The following LPIN2 variants were observed in gnomAD, a reference collection of about 807,000 sequenced individuals.
The protein encoded by LPIN2 is phosphatidate phosphatase LPIN2.
LPIN2 carries 55 observed loss-of-function variants against 111.4 expected under a neutral mutation model. That is an observed-to-expected ratio of 0.49 (90% CI 0.40 to 0.62). LPIN2 has a LOEUF of 0.62. Among genes scored for constraint, LPIN2 ranks in the 20% least tolerant of loss-of-function variants. The pLI, the probability that LPIN2 is intolerant of heterozygous loss-of-function variation, is 0.00. For synonymous variants in LPIN2, 425 were observed against 414.0 expected (o/e 1.03, Z -0.32); for missense variants, 992 against 1,112.1 (o/e 0.89, Z 1.54).
At chr18:2,964,282 CAAAAA>C (rs56276815) in intron 1 of LPIN2, among the ~76,000 whole-genome samples, 4 of 56,852 alleles carry the variant, frequency 7.0e-5, no homozygotes, top group Admixed American at 2.7e-4. Flanking sequence ...GACTCCGTCT[CAAAAA>C]AAAAAAAAAA....
At chr18:3,005,828 C>A (rs950579112) in intron 1 of LPIN2, among the ~76,000 whole-genome samples, 4 of 152,134 alleles carry the variant, frequency 2.6e-5, no homozygotes, top group African/African-American at 4.8e-5. Flanking sequence ...AAGTTTGAGA[C>A]CAACCTGGGC....
intron 1 of LPIN2, among the ~76,000 whole-genome samples, chr18:2,999,034 G>A (rs890497280): frequency 1.3e-5 from 2 of 152,190 alleles, no homozygotes; most frequent in Non-Finnish European, 2.9e-5. Flanking sequence ...GATCATTAGT[G>A]AAGATAGGTG....
intron 1 of LPIN2, among the ~76,000 whole-genome samples, chr18:3,000,003 AC>A (rs1350056159): frequency 6.6e-6 from 1 of 150,948 alleles, no homozygotes; most frequent in African/African-American, 2.4e-5. Flanking sequence ...AACTTGGGCA[AC>A]ATTAGTGAGA....
chr18:2,944,493 A>G (rs2090883519), intron 4 of LPIN2, among the ~76,000 whole-genome samples: 1 of 151,706 alleles, frequency 6.6e-6, no homozygotes, highest in Non-Finnish European at 1.5e-5. Context: ...CTGGGACTAC[A>G]GGCACCCACC....
intron 1 of LPIN2, among the ~76,000 whole-genome samples, chr18:3,004,872 T>C (rs1214129199): frequency 6.6e-6 from 1 of 152,204 alleles, no homozygotes; most frequent in African/African-American, 2.4e-5. Context: ...GTTTACCTTG[T>C]CCAACTCATT....
At position 2,920,396 on chromosome 18, in the gene LPIN2, AG is replaced by A; in HGVS notation, c.2587del (p.Leu863PhefsTer136). The A allele has an allele frequency of 1.2e-6, 2 of 1,613,988 alleles. No homozygotes were observed. The highest frequency in any genetic ancestry group is 1.7e-6 in the Non-Finnish European group (2 of 1,180,028). ...AGCGGAATTCTGCTCCTTACTGAGA[AG>A]GGGGAACACATGCTCCACGAGCTCA... ...LSELVEHVFP[L>X]LSKEQNSAFP... is the part of the protein sequence containing the mutation. On this transcript the variant is annotated frameshift_variant, in exon 20 of 20. Coordinates refer to ENST00000677752, the MANE Select transcript of LPIN2 (RefSeq NM_001375808.2). LOFTEE classifies it high-confidence loss of function.
At chr18:2,958,940 AT>A (rs2077665142) in intron 2 of LPIN2, among the ~76,000 whole-genome samples, 1 of 152,156 alleles carries the variant, frequency 6.6e-6, no homozygotes, top group Non-Finnish European at 1.5e-5. Flanking sequence ...AAAAAAAAAA[AT>A]AATGATGATG....
At chr18:2,924,655 G>A in intron 14 of LPIN2, 109 bp from the exon 15 acceptor site, 2 of 1,152,950 alleles carry the variant, frequency 1.7e-6, no homozygotes, top group Non-Finnish European at 2.6e-6. Flanking sequence ...GAGGCAGGAT[G>A]GTTTCCGGGG....
chr18:2,921,811 G>T, intron 17 of LPIN2, 164 bp from the exon 18 acceptor site: 1 of 764,920 alleles, frequency 1.3e-6, no homozygotes, highest in Non-Finnish European at 2.1e-6. Context: ...GAAAATTTGA[G>T]TGATGAAGTT....
At chr18:2,984,439 C>T (rs1478516939) in intron 1 of LPIN2, among the ~76,000 whole-genome samples, 2 of 152,116 alleles carry the variant, frequency 1.3e-5, no homozygotes, top group Non-Finnish European at 2.9e-5. Flanking sequence ...TGATCTACTG[C>T]AGTTCAGGAT....
intron 18 of LPIN2, 162 bp from the exon 19 acceptor site, chr18:2,921,043 A>G (rs1488701573): frequency 7.3e-6 from 5 of 687,586 alleles, no homozygotes; most frequent in South Asian, 3.1e-5. Flanking sequence ...AGACAAACCT[A>G]AACTACAGAG....
intron 1 of LPIN2, among the ~76,000 whole-genome samples, chr18:2,996,972 T>G (rs1480509636): frequency 1.5e-5 from 2 of 131,986 alleles, no homozygotes; most frequent in African/African-American, 5.7e-5. Flanking sequence ...ATTTCATTTT[T>G]GGAGGCTTGT....
chr18:2,972,936 T>A (rs572010812), intron 1 of LPIN2, among the ~76,000 whole-genome samples: 1 of 152,366 alleles, frequency 6.6e-6, no homozygotes, highest in South Asian at 2.1e-4. Flanking sequence ...TGACAGATGC[T>A]GTTACAGGGA....
chr18:2,980,084 A>T (rs1357316479), intron 1 of LPIN2, among the ~76,000 whole-genome samples: 1 of 152,226 alleles, frequency 6.6e-6, no homozygotes, highest in African/African-American at 2.4e-5. Context: ...GCCCAAAGTT[A>T]CTAGCTATGG....
chr18:2,920,712 G>A (rs1395838562), intron 19 of LPIN2, 66 bp downstream of exon 19: 6 of 1,188,334 alleles, frequency 5.0e-6, no homozygotes, highest in Middle Eastern at 1.9e-4. Flanking sequence ...AAAGGACAGG[G>A]TCTGTCTGTC....
chr18:2,989,441 G>A (rs2078232081), intron 1 of LPIN2, among the ~76,000 whole-genome samples: 1 of 152,006 alleles, frequency 6.6e-6, no homozygotes, highest in African/African-American at 2.4e-5. Context: ...TTCGTGAATA[G>A]GAAGACTCAA....
At chr18:2,999,085 T>A (rs1230019161) in intron 1 of LPIN2, among the ~76,000 whole-genome samples, 1 of 152,242 alleles carries the variant, frequency 6.6e-6, no homozygotes, top group Non-Finnish European at 1.5e-5. Context: ...TAACTAGACA[T>A]CCTGTTAAAC....
intron 1 of LPIN2, among the ~76,000 whole-genome samples, chr18:2,964,702 C>T (rs1006885217): frequency 2.6e-5 from 4 of 152,168 alleles, no homozygotes; most frequent in African/African-American, 7.2e-5. Flanking sequence ...TCTTAAACAT[C>T]GCATGCTATG....
chr18:3,010,283 T>C (rs2078581482), intron 1 of LPIN2, among the ~76,000 whole-genome samples: 1 of 152,204 alleles, frequency 6.6e-6, no homozygotes, highest in African/African-American at 2.4e-5. Context: ...AGCCAAGTTA[T>C]TCAAATGTCT....
Sources: gnomAD v4.1 joint callset for allele counts (sites outside exome capture counted in the v4.1 genomes callset) on GRCh38, gnomAD v4.1.1 for gene constraint, MANE v1.5 for transcripts, NCBI Gene and HGNC (gene_info 2026-07-23, HGNC 2026-07-21) for gene names.